The following TANC1 variants were observed in gnomAD, a reference collection of about 807,000 sequenced individuals.
The protein encoded by TANC1 is tetratricopeptide repeat, ankyrin repeat and coiled-coil containing 1.
Under a neutral mutation model 149.7 loss-of-function variants are expected in TANC1, and 77 were observed. The ratio of observed to expected loss-of-function variants is 0.51; its 90% CI spans 0.43 to 0.62. TANC1 has a LOEUF of 0.62. TANC1 is among the 20% of genes least tolerant of loss of function. The pLI is 0.00. For missense variants in TANC1, 1,985 were observed against 2,321.8 expected, an observed-to-expected ratio of 0.85 and a Z score of 2.98; for synonymous variants, 854 against 925.0, an observed-to-expected ratio of 0.92 and a Z score of 1.39.
At chr2:158,972,428 A>G (rs1445105134) in intron 1 of TANC1, among the ~76,000 whole-genome samples, 1 of 151,966 alleles carries the variant, frequency 6.6e-6, no homozygotes, top group Non-Finnish European at 1.5e-5. Flanking sequence ...TCCTTCCCTT[A>G]TGCTGTTGGG....
At chr2:159,060,905 T>A (rs2042190075) in intron 2 of TANC1, among the ~76,000 whole-genome samples, 1 of 152,240 alleles carries the variant, frequency 6.6e-6, no homozygotes, top group Non-Finnish European at 1.5e-5. Context: ...TGTTTTTTGT[T>A]ATATTTTATA....
chr2:159,004,936 C>G (rs1290763469), intron 2 of TANC1, among the ~76,000 whole-genome samples: 1 of 152,156 alleles, frequency 6.6e-6, no homozygotes, highest in East Asian at 1.9e-4. Context: ...CAGTCATAAG[C>G]ATTGTTTCTA....
At chr2:159,033,905 C>G (rs1330352499) in intron 2 of TANC1, among the ~76,000 whole-genome samples, 1 of 152,168 alleles carries the variant, frequency 6.6e-6, no homozygotes, top group African/African-American at 2.4e-5. Flanking sequence ...ATGCGTTGTG[C>G]TTTGTCAAAC....
At chr2:159,141,477 T>C (rs1399824957) in intron 5 of TANC1, among the ~76,000 whole-genome samples, 1 of 152,218 alleles carries the variant, frequency 6.6e-6, no homozygotes, top group Non-Finnish European at 1.5e-5. Context: ...TGCAAGGACC[T>C]GGGAACTGAA....
intron 3 of TANC1, among the ~76,000 whole-genome samples, chr2:159,093,168 A>T (rs2045724764): frequency 6.6e-6 from 1 of 152,234 alleles, no homozygotes; most frequent in African/African-American, 2.4e-5. Context: ...GAGAGGTTGC[A>T]TCGTCCTACC....
In TANC1 at chr2:159,093,765, G is replaced by C. The variant is rs1474194138; in HGVS notation, c.62-3872G>C. Reference sequence around the variant, plus strand: ...CCCCCTCCCTCTTCTCTTAAGCCTCGTTTTATTGCAGCCTGCATAAAATCA... The same window carrying C: ...CCCCCTCCCTCTTCTCTTAAGCCTCCTTTTATTGCAGCCTGCATAAAATCA... On this transcript the variant is annotated intron_variant, in intron 3 of 26. Transcript: ENST00000263635. Among the ~76,000 whole-genome samples, 5 of 149,134 alleles carry C rather than the reference G, an allele frequency of 3.4e-5. No homozygotes were observed. In the South Asian group the frequency reaches 1.1e-3, roughly 32 times the overall value.
chr2:159,219,073 A>G, intron 20 of TANC1, among the ~76,000 whole-genome samples, 165 bp from the exon 21 acceptor site: 1 of 152,244 alleles, frequency 6.6e-6, no homozygotes, highest in East Asian at 1.9e-4. Flanking sequence ...GTTCTGTTCA[A>G]AGGAATACAG....
intron 2 of TANC1, among the ~76,000 whole-genome samples, chr2:159,007,204 T>C (rs1236549482): frequency 2.1e-5 from 3 of 139,838 alleles, no homozygotes; most frequent in Non-Finnish European, 1.5e-5. Flanking sequence ...TACATTGCAA[T>C]GGTGCGATCT....
In TANC1 at chr2:159,179,142, C is replaced by T. The variant is rs755967653; in HGVS notation, c.2489C>T (p.Thr830Met). 4.3e-6 allele frequency: 7 copies of T among 1,612,056 alleles called. No individual in the cohort carries two copies. The highest frequency in any genetic ancestry group is 2.2e-5 in the East Asian group (1 of 44,826). Residue 830 changes from threonine to methionine, a missense_variant, in exon 14 of 27, where the codon ACG becomes ATG. This residue lies in a region of TANC1 where 508 missense variants were observed against 714.2 expected (regional missense o/e 0.71). Transcript: ENST00000263635. ...WLVWRADGEN[T>M]AFLCEPRNGH... ...GTATGGAGAGCAGACGGGGAAAACA[C>T]GGCCTTCCTGTGTGAGCCCAGGTAC... is the stretch of plus-strand genomic sequence containing the variant.
chr2:159,211,999 G>A (rs952922022), intron 19 of TANC1, among the ~76,000 whole-genome samples: 3 of 152,250 alleles, frequency 2.0e-5, no homozygotes, highest in Non-Finnish European at 4.4e-5. Flanking sequence ...TTTCTCTGAT[G>A]CCCCTGTGAA....
chr2:159,131,972 G>A (rs2050156271), intron 4 of TANC1, among the ~76,000 whole-genome samples: 2 of 152,244 alleles, frequency 1.3e-5, no homozygotes, highest in African/African-American at 2.4e-5. Flanking sequence ...CATGGATGTT[G>A]ATGACTGGGT....
chr2:159,130,254 T>C (rs955427265), intron 4 of TANC1, among the ~76,000 whole-genome samples: 58 of 151,712 alleles, frequency 3.8e-4, no homozygotes, highest in African/African-American at 1.4e-3. Flanking sequence ...TCTGGGTAAT[T>C]ATTATGTAGT....
At chr2:159,180,358 A>G (rs561613391) in intron 14 of TANC1, among the ~76,000 whole-genome samples, 12 of 152,376 alleles carry the variant, frequency 7.9e-5, no homozygotes, top group African/African-American at 2.9e-4. Context: ...ACTATAGCTG[A>G]GTTTGTAGAG....
chr2:159,038,390 T>C (rs76435178), intron 2 of TANC1, among the ~76,000 whole-genome samples: 14,739 of 152,006 alleles, frequency 0.097, 729 homozygotes, highest in Non-Finnish European at 0.11. Flanking sequence ...CCAACACTCT[T>C]GAATAGGAGT....
chr2:159,211,875 A>T (rs1426334392), intron 19 of TANC1, among the ~76,000 whole-genome samples: 2 of 152,254 alleles, frequency 1.3e-5, no homozygotes, highest in Non-Finnish European at 2.9e-5. Flanking sequence ...TTGCCTCAAG[A>T]GGGAGTCACC....
chr2:159,042,949 C>T (rs1281968602), intron 2 of TANC1, among the ~76,000 whole-genome samples: 1 of 152,134 alleles, frequency 6.6e-6, no homozygotes, highest in African/African-American at 2.4e-5. Flanking sequence ...GTGGACTGGG[C>T]TGTAAACCTA....
intron 14 of TANC1, among the ~76,000 whole-genome samples, chr2:159,183,957 A>AT (rs2056737639): frequency 6.6e-6 from 1 of 152,032 alleles, no homozygotes; most frequent in Admixed American, 6.6e-5. Flanking sequence ...CCCCCATAGA[A>AT]TCCCCCCGTC....
chr2:159,230,785 GT>G lies in TANC1; in HGVS notation c.5362del (p.Ser1788LeufsTer3). On this transcript the variant is annotated frameshift_variant, in exon 27 of 27. Coordinates refer to ENST00000263635, the MANE Select transcript of TANC1 (RefSeq NM_033394.3). LOFTEE classifies it high-confidence loss of function. This position sits in a 1 kb window ranked among gnomAD's most constrained non-coding sequence, Gnocchi z 4.4. Reference protein sequence around the residue: ...GYNNQAKTCSVSTLSASVHNG... With the variant: ...GYNNQAKTCSXSTLSASVHNG... ...TAATAACCAAGCCAAAACCTGTTCTGTTTCTACCCTGAGTGCAAGTGTCCAC... is the reference window on the plus strand; with the variant it reads ...TAATAACCAAGCCAAAACCTGTTCTGTTCTACCCTGAGTGCAAGTGTCCAC... The G allele has an allele frequency of 6.2e-7, 1 of 1,614,160 alleles. No homozygotes were observed. The highest frequency in any genetic ancestry group is 1.1e-5 in the South Asian group (1 of 91,074).
chr2:159,129,389 C>G (rs1366244275), intron 4 of TANC1, among the ~76,000 whole-genome samples: 1 of 152,094 alleles, frequency 6.6e-6, no homozygotes, highest in Non-Finnish European at 1.5e-5. Flanking sequence ...GGAAAACTGG[C>G]CGCTGGGAAA....
Sources: gnomAD v4.1 joint callset for allele counts (sites outside exome capture counted in the v4.1 genomes callset) on GRCh38, gnomAD v4.1.1 for gene constraint, gnomAD v4.1.1 regional missense constraint, Gnocchi (gnomAD v3.1) non-coding constraint, MANE v1.5 for transcripts, NCBI Gene and HGNC (gene_info 2026-07-23, HGNC 2026-07-21) for gene names.